MEMO1: variants seen among roughly 807,000 people sequenced by gnomAD.
MEMO1 encodes mediator of cell motility 1, also known as protein MEMO1.
MEMO1 carries 6 observed loss-of-function variants against 45.2 expected under a neutral mutation model. That is an observed-to-expected ratio of 0.13 (90% CI 0.07 to 0.26). The LOEUF is 0.26. Among genes scored for constraint, MEMO1 ranks in the 10% least tolerant of loss-of-function variants. MEMO1 has a pLI of 1.00. For synonymous variants in MEMO1, 78 were observed against 124.3 expected (o/e 0.63, Z 2.48); for missense variants, 184 against 370.5 (o/e 0.50, Z 4.13).
intron 2 of MEMO1, among the ~76,000 whole-genome samples, chr2:31,996,859 T>C (rs1165592348): frequency 1.3e-5 from 2 of 152,022 alleles, no homozygotes; most frequent in East Asian, 1.9e-4. Flanking sequence ...GACTCCCGAA[T>C]TGCTAGGATT....
At chr2:31,888,400 A>C (rs1167585939) in intron 7 of MEMO1, among the ~76,000 whole-genome samples, 3 of 152,160 alleles carry the variant, frequency 2.0e-5, no homozygotes, top group African/African-American at 7.2e-5. Flanking sequence ...CCAACAATCT[A>C]AATTTAGAAA....
At chr2:31,913,938 A>G (rs1218889355) in intron 6 of MEMO1, among the ~76,000 whole-genome samples, 2 of 152,296 alleles carry the variant, frequency 1.3e-5, no homozygotes, top group Non-Finnish European at 2.9e-5. Context: ...AGAATGAGGC[A>G]TAAGTGATGC....
rs979082704 is a variant in MEMO1, at chr2:31,882,299, G to A, written c.657+1087C>T. On this transcript the variant is annotated intron_variant, in intron 8 of 9. Coordinates refer to ENST00000404530, the MANE Select transcript of MEMO1 (RefSeq NM_001301833.4). ...GCCACTGCACTCCAGCCTCAGTAACGGAATGAGTCCCTGTCTCTTAAAAAA... is the reference window on the plus strand; with the variant it reads ...GCCACTGCACTCCAGCCTCAGTAACAGAATGAGTCCCTGTCTCTTAAAAAA... Among the ~76,000 whole-genome samples the A allele has an allele frequency of 4.6e-5, 7 of 151,932 alleles. No homozygotes were observed. In the South Asian group the frequency reaches 6.2e-4, roughly 14 times the overall value.
At chr2:31,873,383 G>A (rs949744790) in intron 8 of MEMO1, among the ~76,000 whole-genome samples, 2 of 152,100 alleles carry the variant, frequency 1.3e-5, no homozygotes, top group Non-Finnish European at 2.9e-5. Flanking sequence ...CCTAAATTTA[G>A]GGGGTGAGCC....
intron 2 of MEMO1, among the ~76,000 whole-genome samples, chr2:31,965,448 G>A (rs993328767): frequency 1.3e-5 from 2 of 152,044 alleles, no homozygotes; most frequent in African/African-American, 4.8e-5. Context: ...TCTTGTAAAT[G>A]GGGTAAATGA....
intron 2 of MEMO1, among the ~76,000 whole-genome samples, chr2:31,985,151 T>A (rs1424049415): frequency 2.6e-5 from 4 of 152,278 alleles, no homozygotes; most frequent in African/African-American, 9.6e-5. Flanking sequence ...AGTGTCACTA[T>A]TTTACAACAC....
chr2:31,998,672 C>T (rs1362434479), intron 2 of MEMO1, among the ~76,000 whole-genome samples: 4 of 152,052 alleles, frequency 2.6e-5, no homozygotes, highest in Non-Finnish European at 5.9e-5. Flanking sequence ...TGGTGGTGGG[C>T]GCCTGTAATC....
chr2:31,919,025 A>C (rs1681883263), intron 5 of MEMO1, among the ~76,000 whole-genome samples: 1 of 152,120 alleles, frequency 6.6e-6, no homozygotes, highest in Non-Finnish European at 1.5e-5. Context: ...AATTGCTAAT[A>C]TTGTGTGATA....
rs182014208 is a variant in MEMO1, at chr2:31,898,376, C to T, written c.438-6242G>A. Among the ~76,000 whole-genome samples the T allele has an allele frequency of 9.6e-4, 146 of 152,254 alleles. 1 individual carries two copies. The highest frequency in any genetic ancestry group is 3.4e-3 in the African/African-American group (140 of 41,546). On this transcript the variant is annotated intron_variant, in intron 6 of 9. Coordinates refer to ENST00000404530, the MANE Select transcript of MEMO1 (RefSeq NM_001301833.4). ...TTAGTGCTATAAATTTCCCTCTAAA[C>T]ACTACTTTAGCTGTGTCCCAGAGAT...
intron 2 of MEMO1, among the ~76,000 whole-genome samples, chr2:32,000,230 CTTA>C (rs1558568117): frequency 1.3e-5 from 2 of 150,858 alleles, no homozygotes; most frequent in Non-Finnish European, 3.0e-5. Flanking sequence ...TTCCTTTTTA[CTTA>C]TTTTTTTTTT....
intron 6 of MEMO1, among the ~76,000 whole-genome samples, chr2:31,901,966 T>G (rs1019317803): frequency 1.3e-5 from 2 of 149,358 alleles, no homozygotes; most frequent in Non-Finnish European, 3.0e-5. Context: ...CTCTGTAGAT[T>G]TACTAAAAAA....
chr2:31,933,342 A>ATATATAT (rs1558514156), intron 3 of MEMO1, among the ~76,000 whole-genome samples: 3 of 47,336 alleles, frequency 6.3e-5, no homozygotes, highest in African/African-American at 2.7e-4. Context: ...AAAAAAAAAA[A>ATATATAT]AAAAAAATTT....
chr2:31,993,945 C>CTTTTTTTTTTTT (rs1558562652), intron 2 of MEMO1, among the ~76,000 whole-genome samples: 2 of 124,580 alleles, frequency 1.6e-5, no homozygotes, highest in African/African-American at 6.2e-5. Flanking sequence ...ATCATCAATA[C>CTTTTTTTTTTTT]TTTCTTTTTT....
At chr2:32,006,056 T>C (rs1278802650) in intron 2 of MEMO1, among the ~76,000 whole-genome samples, 1 of 152,138 alleles carries the variant, frequency 6.6e-6, no homozygotes, top group Non-Finnish European at 1.5e-5. Context: ...AAAGAAACAA[T>C]GAACAACTAT....
chr2:31,906,933 T>C (rs976906305), intron 6 of MEMO1, among the ~76,000 whole-genome samples: 1 of 152,082 alleles, frequency 6.6e-6, no homozygotes, highest in Non-Finnish European at 1.5e-5. Context: ...ATAAAAAAAT[T>C]TTTTTCTAAC....
At chr2:31,880,021 C>T (rs1271440852) in intron 8 of MEMO1, among the ~76,000 whole-genome samples, 1 of 152,158 alleles carries the variant, frequency 6.6e-6, no homozygotes, top group African/African-American at 2.4e-5. Context: ...TTCATTCTAC[C>T]TCCTAAATGT....
chr2:31,977,576 C>T (rs1476771953), intron 2 of MEMO1, among the ~76,000 whole-genome samples: 2 of 152,104 alleles, frequency 1.3e-5, no homozygotes, highest in Non-Finnish European at 2.9e-5. Flanking sequence ...TACAGTGGCA[C>T]GATCTCAGCT....
At chr2:31,917,889 A>T in intron 6 of MEMO1, 37 bp downstream of exon 6, 1 of 1,378,632 alleles carries the variant, frequency 7.3e-7, no homozygotes, top group Non-Finnish European at 1.0e-6. Context: ...ATTAATGTCT[A>T]TGATTTCCTG....
At chr2:31,920,758 C>T (rs763934269) in intron 5 of MEMO1, 40 bp downstream of exon 5, 48 of 1,164,552 alleles carry the variant, frequency 4.1e-5, no homozygotes, top group Non-Finnish European at 1.5e-5. Flanking sequence ...GTTAAAAGAA[C>T]ATTAGCTATT....
Sources: gnomAD v4.1 joint callset for allele counts (sites outside exome capture counted in the v4.1 genomes callset) on GRCh38, gnomAD v4.1.1 for gene constraint, MANE v1.5 for transcripts, NCBI Gene and HGNC (gene_info 2026-07-23, HGNC 2026-07-21) for gene names.